The following PLK5 variants were observed in gnomAD, a reference collection of about 807,000 sequenced individuals.
PLK5 encodes the protein polo like kinase 5 (inactive).
PLK5 carries 28 observed loss-of-function variants against 33.7 expected under a neutral mutation model. The ratio of observed to expected loss-of-function variants is 0.83; its 90% CI spans 0.62 to 1.14. The LOEUF (loss-of-function observed/expected upper bound fraction) is 1.14, where lower values mean the gene tolerates loss of function less well. Ranked by LOEUF, PLK5 falls within the 50% of genes most tolerant of loss-of-function variation. The probability of loss-of-function intolerance (pLI) is 0.00; values close to 1 mark genes in which losing one functional copy is unlikely to be tolerated. For synonymous variants in PLK5, 225 were observed against 202.2 expected (o/e 1.11, Z -0.96); for missense variants, 492 against 461.5 (o/e 1.07, Z -0.61).
Position 1,529,412 on chromosome 19 carries a change from C to T in PLK5, c.412C>T (p.Leu138=), listed in dbSNP as rs1200492858. ...CCTGCTGCTCCCACCTCAGAGCTCCCTGTCTGCGAAAGAGGTTCCCTGCCT... is the reference window on the plus strand; with the variant it reads ...CCTGCTGCTCCCACCTCAGAGCTCCTTGTCTGCGAAAGAGGTTCCCTGCCT... ...DSMEWDGESS[L]SAKEVPCLEG... is the part of the protein sequence containing the mutation. The change falls in exon 10 of 14, where the codon CTG becomes TTG. Residue 138 remains leucine (L), a synonymous_variant. Transcript: ENST00000454744. 10 of 1,535,766 alleles carry T rather than the reference C, an allele frequency of 6.5e-6. No individual in the cohort carries two copies. The highest frequency in any genetic ancestry group is 2.4e-5 in the East Asian group (1 of 40,932).
At chr19:1,527,041 G>GT (rs1318914025) in intron 6 of PLK5, 43 bp downstream of exon 6, 1 of 1,263,160 alleles carries the variant, frequency 7.9e-7, no homozygotes, top group Non-Finnish European at 1.1e-6. Flanking sequence ...CTCCGGGGGG[G>GT]GCAGGTGTGG....
intron 12 of PLK5, 105 bp downstream of exon 12, chr19:1,531,988 G>T: frequency 7.9e-7 from 1 of 1,267,996 alleles, no homozygotes; most frequent in Non-Finnish European, 1.0e-6. Context: ...ACCTACAGGT[G>T]CTCCCTGCCT....
chr19:1,529,775 G>A lies in PLK5; in HGVS notation c.519G>A (p.Val173=). ...AGPEGSRRPE[V]EAALRHLQLC... The stretch of plus-strand genomic sequence containing the variant: ...CCGAGGGGAGCCGGCGGCCAGAGGT[G>A]GAGGCGGCCCTCAGACACCTGCAGC... Residue 173 remains valine (V), a synonymous_variant, in exon 11 of 14, where the codon GTG becomes GTA. Transcript: ENST00000454744. 6.5e-7 allele frequency: 1 copy of A among 1,536,066 alleles called. No individual in the cohort carries two copies. Among genetic ancestry groups the A allele is most frequent in the Non-Finnish European group, 8.7e-7 (1 of 1,146,882 alleles).
intron 6 of PLK5, among the ~76,000 whole-genome samples, chr19:1,527,288 TGAGCAGGCA>T (rs1913770193): frequency 6.6e-6 from 1 of 151,964 alleles, no homozygotes; most frequent in Admixed American, 6.6e-5. Context: ...AGGGCAGGTG[TGAGCAGGCA>T]TGGGATAGCA....
In PLK5 at chr19:1,535,292, G is replaced by A. The variant is rs12462146; in HGVS notation, c.*42G>A. On this transcript the variant is annotated 3_prime_UTR_variant, in exon 14 of 14. Transcript: ENST00000454744. ...AGTGGACCCCTGCATGGTAGTGCCA[G>A]GGACCCAGGCTCCATTTCCATTCCT... The A allele has an allele frequency of 0.23, 339,530 of 1,502,210 alleles. 46,292 individuals carry two copies. Among genetic ancestry groups the A allele is most frequent in the East Asian group, 0.68 (26,680 of 39,298 alleles). The allele number at this position is 1,502,210 out of a possible 1,614,324, so 93.1% of individuals were successfully genotyped here.
chr19:1,527,526 C>T (rs190527365), intron 6 of PLK5, among the ~76,000 whole-genome samples: 96 of 152,008 alleles, frequency 6.3e-4, no homozygotes, highest in African/African-American at 2.2e-3. Flanking sequence ...TGCTTGAGCT[C>T]AGGAGGTGGA....
chr19:1,532,222 A>G (rs1157929733), intron 12 of PLK5, among the ~76,000 whole-genome samples: 1 of 152,164 alleles, frequency 6.6e-6, no homozygotes, highest in African/African-American at 2.4e-5. Context: ...CCTGGACAAC[A>G]TAGCAAGACC....
At chr19:1,533,148 G>A (rs964910291) in intron 12 of PLK5, among the ~76,000 whole-genome samples, 6 of 151,656 alleles carry the variant, frequency 4.0e-5, no homozygotes, top group African/African-American at 1.2e-4. Flanking sequence ...TTTTTGAGAC[G>A]GAGTTGTGCT....
chr19:1,528,486 ACACC>A (rs1913817452), intron 8 of PLK5, 58 bp downstream of exon 8: 2 of 1,192,044 alleles, frequency 1.7e-6, no homozygotes, highest in Non-Finnish European at 2.1e-6. Context: ...CCACCTGCCC[ACACC>A]TCCCACCTGC....
chr19:1,533,319 G>A (rs962656825), intron 12 of PLK5, among the ~76,000 whole-genome samples: 1 of 151,722 alleles, frequency 6.6e-6, no homozygotes, highest in South Asian at 2.1e-4. Flanking sequence ...TCGAACTCCC[G>A]ACCTCAGGTG....
intron 6 of PLK5, 60 bp downstream of exon 6, chr19:1,527,058 G>A (rs1411162359): frequency 3.7e-6 from 4 of 1,078,004 alleles, no homozygotes; most frequent in East Asian, 2.6e-5. Context: ...GTGGCGGGGG[G>A]GGAGCCTGCA....
rs763299314 is a variant in PLK5 at position 1,526,983 on chromosome 19, C to T, written c.-14C>T. The T allele has an allele frequency of 9.8e-6, 15 of 1,533,202 alleles. No homozygotes were observed. In the East Asian group the frequency reaches 1.7e-4, roughly 18 times the overall value. 95.0% of individuals were successfully genotyped at this position (1,533,202 alleles called of 1,614,324 possible). A position where few individuals can be genotyped will look rare whatever the true frequency, so the allele number is the denominator to read the frequency against. ...CACTCCTGCCAGTAGGACATCTGGG[C>T]TCTGGGCTGCATCATGTGAGTGGGG... is the stretch of plus-strand genomic sequence containing the variant. On this transcript the variant is annotated 5_prime_UTR_variant, in exon 6 of 14. Coordinates refer to ENST00000454744, the MANE Select transcript of PLK5 (RefSeq NM_001243079.2).
intron 11 of PLK5, among the ~76,000 whole-genome samples, chr19:1,530,447 G>GCCA (rs1314820831): frequency 6.6e-6 from 1 of 151,774 alleles, no homozygotes; most frequent in African/African-American, 2.4e-5. Flanking sequence ...ACAGGCGTGT[G>GCCA]CCACCACACC....
intron 6 of PLK5, among the ~76,000 whole-genome samples, chr19:1,527,200 G>A (rs1457363281): frequency 6.6e-6 from 1 of 152,102 alleles, no homozygotes; most frequent in Non-Finnish European, 1.5e-5. Context: ...GCACAGAGAG[G>A]TGGACAGGTG....
chr19:1,534,506 C>CAA (rs34568711), intron 13 of PLK5, among the ~76,000 whole-genome samples: 321 of 86,686 alleles, frequency 3.7e-3, no homozygotes, highest in African/African-American at 0.012. Flanking sequence ...GACTTCGTCT[C>CAA]AAAAAAAAAA....
chr19:1,530,224 A>G (rs1166087106), intron 11 of PLK5, among the ~76,000 whole-genome samples: 1 of 151,802 alleles, frequency 6.6e-6, no homozygotes, highest in Non-Finnish European at 1.5e-5. Flanking sequence ...TGACCCACAC[A>G]TACTGCCACC....
intron 7 of PLK5, 71 bp downstream of exon 7, chr19:1,528,205 T>C: frequency 6.6e-7 from 1 of 1,526,268 alleles, no homozygotes; most frequent in South Asian, 1.2e-5. Flanking sequence ...GAGCCTGCCC[T>C]GCTCAGCCGA....
At position 1,533,479 on chromosome 19, in the gene PLK5, G is replaced by T. The variant is rs557155336; in HGVS notation, c.715-452G>T. On this transcript the variant is annotated intron_variant, in intron 12 of 13. Transcript: ENST00000454744. ...GTGGGCAGTGGCGGAGGCCTGGGCT[G>T]TGCTGGTGACCGGGGAGGGATGAGA... Among the ~76,000 whole-genome samples the T allele has an allele frequency of 2.4e-3, 362 of 152,298 alleles. 2 individuals are homozygous for T. The highest frequency in any genetic ancestry group is 8.3e-3 in the African/African-American group (345 of 41,562).
chr19:1,531,990 T>G, intron 12 of PLK5, 107 bp downstream of exon 12: 3 of 1,251,914 alleles, frequency 2.4e-6, no homozygotes, highest in Middle Eastern at 4.3e-4. Context: ...CTACAGGTGC[T>G]CCCTGCCTGG....
Sources: gnomAD v4.1 joint callset for allele counts (sites outside exome capture counted in the v4.1 genomes callset) on GRCh38, gnomAD v4.1.1 for gene constraint, MANE v1.5 for transcripts, NCBI Gene and HGNC (gene_info 2026-07-23, HGNC 2026-07-21) for gene names.